The following GNAS variants were observed in gnomAD, a reference collection of about 807,000 sequenced individuals.
The protein encoded by GNAS is GNAS complex locus, also known as protein ALEX.
A neutral mutation model predicts 54.5 loss-of-function variants in GNAS; 8 were observed. The ratio of observed to expected loss-of-function variants is 0.15; its 90% CI spans 0.09 to 0.26. The LOEUF is 0.26. Ranked by LOEUF, GNAS falls within the 10% of genes least tolerant of loss-of-function variation. The pLI, the probability that GNAS is intolerant of heterozygous loss-of-function variation, is 1.00. For synonymous variants in GNAS, 204 were observed against 191.4 expected, an observed-to-expected ratio of 1.07 and a Z score of -0.54; for missense variants, 170 against 529.8, an observed-to-expected ratio of 0.32 and a Z score of 6.67.
At chr20:58,899,510 C>T (rs1311701593) in intron 3 of GNAS, 4 of 542,834 alleles carry the variant, frequency 7.4e-6, no homozygotes, top group Non-Finnish European at 1.4e-5. Flanking sequence ...AGCCTCTGGC[C>T]TTTTAAAAAT....
rs2085747441 is a variant in GNAS, at chr20:58,841,939, T to A, written c.43+1053T>A. 3 of 1,194,354 alleles carry A rather than the reference T, an allele frequency of 2.5e-6. No individual in the cohort carries two copies. The East Asian group carries it at 9.5e-5, about 38-fold the overall frequency. 74.0% of individuals were successfully genotyped at this position (1,194,354 alleles called of 1,614,324 possible). A position where few individuals can be genotyped will look rare whatever the true frequency, so the allele number is the denominator to read the frequency against. On this transcript the variant is annotated intron_variant, in intron 1 of 12. Transcript: ENST00000306090. The surrounding 1 kb of genome is among the most constrained non-coding windows in gnomAD (Gnocchi z 5.0). Reference sequence around the variant, plus strand: ...CGTCTAACATCAGGATAACTTACAATTCGTTTCCAAAGAGCGCGGTACGCG... The same window carrying A: ...CGTCTAACATCAGGATAACTTACAAATCGTTTCCAAAGAGCGCGGTACGCG...
chr20:58,850,700 T>A, intron 1 of GNAS: 2 of 398,926 alleles, frequency 5.0e-6, no homozygotes, highest in Non-Finnish European at 8.8e-6. Context: ...TGGGTTAGCC[T>A]GCCGCCATCA....
intron 5 of GNAS, among the ~76,000 whole-genome samples, chr20:58,904,981 T>G (rs1348614604): frequency 6.6e-6 from 1 of 152,164 alleles, no homozygotes; most frequent in Non-Finnish European, 1.5e-5. Context: ...GGAGGAAAAT[T>G]TAGTCCCAGC....
At chr20:58,906,946 G>A (rs2091102853) in intron 6 of GNAS, among the ~76,000 whole-genome samples, 1 of 152,180 alleles carries the variant, frequency 6.6e-6, no homozygotes, top group South Asian at 2.1e-4. Flanking sequence ...GTCTAGTAGA[G>A]GTTTGATGTT....
At chr20:58,887,062 T>C (rs529256091), upstream of GNAS, among the ~76,000 whole-genome samples, 4 of 152,356 alleles carry the variant, frequency 2.6e-5, no homozygotes, top group East Asian at 5.8e-4. Context: ...TGGGGCAGTT[T>C]CACTCCTTTT....
chr20:58,889,395 C>T (rs1176996572), upstream of GNAS: 15 of 982,996 alleles, frequency 1.5e-5, no homozygotes, highest in African/African-American at 1.8e-5. Flanking sequence ...AAGTGCGAGT[C>T]GCCCGGCGCA....
chr20:58,850,928 T>G (rs1044918230), intron 1 of GNAS: 2 of 398,574 alleles, frequency 5.0e-6, no homozygotes, highest in African/African-American at 2.1e-5. Context: ...CATATCCGGT[T>G]TCCGGTCTGA....
chr20:58,861,132 ACT>A (rs2086762632), intron 1 of GNAS, among the ~76,000 whole-genome samples: 1 of 152,144 alleles, frequency 6.6e-6, no homozygotes, highest in South Asian at 2.1e-4. Flanking sequence ...CCTCTAAATA[ACT>A]CTCAGGAGAC....
In GNAS at chr20:58,873,553, G is replaced by T. The variant is rs533176360; in HGVS notation, c.44-22059G>T. Among the ~76,000 whole-genome samples, 92 of 152,098 alleles carry T rather than the reference G, an allele frequency of 6.0e-4. No individual in the cohort carries two copies. The South Asian group carries it at 0.017, about 29-fold the overall frequency. ...CTGATAAGTTATTTCCTAATTTTTT[G>T]GTTAACTTGAAGGTCGAAATAGCCT... On this transcript the variant is annotated intron_variant, in intron 1 of 12. Coordinates refer to the GNAS transcript ENST00000306090. This position sits in a 1 kb window ranked among gnomAD's most constrained non-coding sequence, Gnocchi z 4.3.
chr20:58,891,500 G>T lies in GNAS; in HGVS notation c.-227G>T, dbSNP rs936129591. On this transcript the variant is annotated 5_prime_UTR_variant, in exon 1 of 13. Transcript: ENST00000371085. Reference sequence around the variant, plus strand: ...CCCCCTCGGCCTCGGCTCGAGGGGCGGGGAGCTGCGCGCGCCCCTCGGTCC... The same window carrying T: ...CCCCCTCGGCCTCGGCTCGAGGGGCTGGGAGCTGCGCGCGCCCCTCGGTCC... 2.1e-6 allele frequency: 2 copies of T among 970,966 alleles called. No homozygotes were observed. Among genetic ancestry groups the T allele is most frequent in the Non-Finnish European group, 2.4e-6 (2 of 819,648 alleles). The allele number at this position is 970,966 out of a possible 1,614,324, so 60.1% of individuals were successfully genotyped here. A position where few individuals can be genotyped will look rare whatever the true frequency, so the allele number is the denominator to read the frequency against.
At chr20:58,862,559 G>GGTT (rs527302511) in intron 1 of GNAS, among the ~76,000 whole-genome samples, 1 of 145,590 alleles carries the variant, frequency 6.9e-6, no homozygotes, top group Non-Finnish European at 1.5e-5. Context: ...TTGTTGCTGG[G>GGTT]TTTTTTTTTT....
intron 1 of GNAS, among the ~76,000 whole-genome samples, chr20:58,878,913 G>C (rs1287070006): frequency 5.1e-4 from 8 of 15,810 alleles, no homozygotes; most frequent in South Asian, 2.4e-3. Context: ...GGGTGCGGGT[G>C]GGGGGGGGAG....
intron 1 of GNAS, chr20:58,854,257 C>T (rs1383175216): frequency 6.2e-7 from 1 of 1,613,118 alleles, no homozygotes; most frequent in Non-Finnish European, 8.5e-7. Flanking sequence ...CCCCCAATCG[C>T]GCTTGACGGC....
Position 58,891,858 on chromosome 20 carries a change from G to T in GNAS, c.132G>T (p.Leu44=). The stretch of plus-strand genomic sequence containing the variant: ...TCTACCGGGCCACGCACCGCCTGCT[G>T]CTGCTGGGTAAGGGCGGGCGGGGGG... ...KQVYRATHRL[L]LLGAGESGKS... The change falls in exon 1 of 13, where the codon CTG becomes CTT. Residue 44 remains leucine (L), a synonymous_variant. Coordinates refer to ENST00000371085, the MANE Select transcript of GNAS (RefSeq NM_000516.7). The T allele has an allele frequency of 8.2e-7, 1 of 1,225,628 alleles. No homozygotes were observed. 75.9% of individuals were successfully genotyped at this position (1,225,628 alleles called of 1,614,324 possible).
chr20:58,883,117 T>C (rs978787659), intron 1 of GNAS: 1 of 152,232 alleles, frequency 6.6e-6, no homozygotes, highest in Non-Finnish European at 1.5e-5. Flanking sequence ...TAATCTGTCC[T>C]GCCGATAGCT....
chr20:58,891,592 G>T lies in GNAS; in HGVS notation c.-135G>T. 1 of 969,986 alleles carries T rather than the reference G, an allele frequency of 1.0e-6. No homozygotes were observed. The highest frequency in any genetic ancestry group is 4.7e-5 in the South Asian group (1 of 21,334). 60.1% of individuals were successfully genotyped at this position (969,986 alleles called of 1,614,324 possible). On this transcript the variant is annotated 5_prime_UTR_variant, in exon 1 of 13. Coordinates refer to ENST00000371085, the MANE Select transcript of GNAS (RefSeq NM_000516.7). Reference sequence around the variant, plus strand: ...GCCCGCGGCCCGCAGTCCGCCCCGCGCGCTCCTTGCCGAGGAGCCGAGCCC... The same window carrying T: ...GCCCGCGGCCCGCAGTCCGCCCCGCTCGCTCCTTGCCGAGGAGCCGAGCCC...
intron 6 of GNAS, among the ~76,000 whole-genome samples, chr20:58,908,607 A>G (rs764953053): frequency 1.3e-5 from 2 of 152,302 alleles, no homozygotes; most frequent in African/African-American, 4.8e-5. Flanking sequence ...ATATAGAGGT[A>G]TACAATTTTC....
At chr20:58,898,667 T>C (rs1177906632) in intron 2 of GNAS, 2 of 570,066 alleles carry the variant, frequency 3.5e-6, no homozygotes, top group African/African-American at 3.7e-5. Context: ...AAAACAATTA[T>C]CCATCCCTCC....
At chr20:58,906,318 A>G (rs1405968165) in intron 6 of GNAS, among the ~76,000 whole-genome samples, 2 of 152,150 alleles carry the variant, frequency 1.3e-5, no homozygotes, top group Non-Finnish European at 2.9e-5. Context: ...GCACAACTCT[A>G]CCTGATGCCC....
Sources: allele counts gnomAD v4.1 joint callset (sites outside exome capture counted in the v4.1 genomes callset), GRCh38; gene constraint gnomAD v4.1.1; non-coding constraint Gnocchi (gnomAD v3.1); transcripts MANE v1.5; gene names NCBI Gene and HGNC (gene_info 2026-07-23, HGNC 2026-07-21).